The following CSMD1 variants were observed in gnomAD, a reference collection of about 807,000 sequenced individuals.
CSMD1 encodes the protein CUB and Sushi multiple domains 1, also known as CUB and sushi domain-containing protein 1.
CSMD1 carries 213 observed loss-of-function variants against 417.5 expected under a neutral mutation model. That is an observed-to-expected ratio of 0.51 (90% CI 0.46 to 0.57). CSMD1 has a LOEUF of 0.57. CSMD1 is among the 20% of genes least tolerant of loss of function. The pLI, the probability that CSMD1 is intolerant of heterozygous loss-of-function variation, is 0.00. For missense variants in CSMD1, 6,923 were observed against 4,529.7 expected (o/e 1.53, Z -15.17); for synonymous variants, 2,862 against 1,736.8 (o/e 1.65, Z -16.11).
intron 3 of CSMD1, among the ~76,000 whole-genome samples, chr8:4,056,730 C>A (rs1450484796): frequency 2.0e-5 from 3 of 151,930 alleles, no homozygotes; most frequent in African/African-American, 7.3e-5. Flanking sequence ...GTACCCCTTC[C>A]TGTGTCCATG....
intron 40 of CSMD1, among the ~76,000 whole-genome samples, chr8:3,147,536 G>C (rs889797877): frequency 2.0e-5 from 3 of 152,172 alleles, no homozygotes; most frequent in Admixed American, 1.3e-4. Context: ...GGGGCACTGA[G>C]TCAGAATTTA....
intron 37 of CSMD1, among the ~76,000 whole-genome samples, chr8:3,174,792 A>AT (rs1193823497): frequency 2.6e-5 from 4 of 152,016 alleles, no homozygotes; most frequent in African/African-American, 9.7e-5. Context: ...TGCCTTTAAA[A>AT]TTTTTTCCAT....
rs536913831 is a variant in CSMD1 at position 3,353,904 on chromosome 8, A to C, written c.3304+5248T>G. Among the ~76,000 whole-genome samples the C allele has an allele frequency of 4.7e-4, 71 of 152,266 alleles. 1 individual carries two copies. The highest frequency in any genetic ancestry group is 6.8e-3 in the Middle Eastern group (2 of 294). On this transcript the variant is annotated intron_variant, in intron 21 of 69. Transcript: ENST00000635120. ...TAACACAGAAGAAAGGAGTTAATTG[A>C]TTTTTCAGTCAATTCTTCTGTACAA...
chr8:3,843,205 T>A (rs1803246553), intron 5 of CSMD1, among the ~76,000 whole-genome samples: 2 of 152,192 alleles, frequency 1.3e-5, no homozygotes, highest in South Asian at 4.1e-4. Flanking sequence ...TTGAAAACCT[T>A]GCTTTCCCAT....
chr8:4,373,209 C>G (rs1802505776), intron 3 of CSMD1, among the ~76,000 whole-genome samples: 1 of 152,118 alleles, frequency 6.6e-6, no homozygotes, highest in Non-Finnish European at 1.5e-5. Context: ...TCATCACAAA[C>G]AAGAGGAGTC....
intron 5 of CSMD1, among the ~76,000 whole-genome samples, chr8:3,846,175 T>C (rs1450332496): frequency 6.6e-6 from 1 of 152,164 alleles, no homozygotes; most frequent in African/African-American, 2.4e-5. Flanking sequence ...GGTACATAAG[T>C]GTATGTGCTA....
chr8:3,981,370 A>G (rs1427641598), intron 5 of CSMD1, among the ~76,000 whole-genome samples: 1 of 152,104 alleles, frequency 6.6e-6, no homozygotes, highest in South Asian at 2.1e-4. Flanking sequence ...GGTGAAGGAT[A>G]AAAGACAACA....
intron 5 of CSMD1, among the ~76,000 whole-genome samples, chr8:3,919,690 A>G (rs985403666): frequency 3.3e-5 from 5 of 152,138 alleles, no homozygotes; most frequent in Non-Finnish European, 7.3e-5. Context: ...GAATTTTGAT[A>G]GAGATTGCTT....
chr8:3,336,588 C>T (rs778436869), intron 23 of CSMD1, among the ~76,000 whole-genome samples: 6 of 152,160 alleles, frequency 3.9e-5, no homozygotes, highest in Non-Finnish European at 5.9e-5. Context: ...TGCTTTACCC[C>T]GCTCTGATTT....
intron 2 of CSMD1, among the ~76,000 whole-genome samples, chr8:4,454,538 C>G (rs1042078743): frequency 2.0e-5 from 3 of 152,140 alleles, no homozygotes; most frequent in Admixed American, 1.3e-4. Context: ...TTTCTGATTT[C>G]TAATACAGAG....
chr8:3,165,589 G>A (rs1032554250), intron 37 of CSMD1, among the ~76,000 whole-genome samples: 6 of 151,814 alleles, frequency 4.0e-5, no homozygotes, highest in Non-Finnish European at 7.4e-5. Context: ...CCGCCACCAC[G>A]CCCGGCTAAT....
At chr8:3,955,409 A>G (rs1811875048) in intron 5 of CSMD1, among the ~76,000 whole-genome samples, 3 of 152,236 alleles carry the variant, frequency 2.0e-5, no homozygotes, top group Admixed American at 2.0e-4. Flanking sequence ...CTAAGCTTCC[A>G]TTTAAGACAC....
chr8:3,791,562 G>A (rs1052384809), intron 5 of CSMD1, among the ~76,000 whole-genome samples: 2 of 152,144 alleles, frequency 1.3e-5, no homozygotes, highest in Non-Finnish European at 2.9e-5. Context: ...GGTGGCTCAC[G>A]CCTATAATCC....
intron 2 of CSMD1, among the ~76,000 whole-genome samples, chr8:4,470,483 T>C (rs1800463705): frequency 1.3e-5 from 2 of 152,204 alleles, no homozygotes; most frequent in African/African-American, 4.8e-5. Context: ...AATGCTTAAC[T>C]GGAAGGATAA....
intron 2 of CSMD1, among the ~76,000 whole-genome samples, chr8:4,443,739 G>C (rs115149289): frequency 6.6e-6 from 1 of 152,110 alleles, no homozygotes; most frequent in African/African-American, 2.4e-5. Flanking sequence ...TCCAAAATAT[G>C]AACAGTTTTA....
intron 2 of CSMD1, among the ~76,000 whole-genome samples, chr8:4,543,275 G>C (rs1797481187): frequency 1.3e-5 from 2 of 152,048 alleles, no homozygotes; most frequent in Admixed American, 6.6e-5. Context: ...CTGCCCTAAA[G>C]ATCCCCAAAG....
At chr8:4,502,810 T>C (rs1802325367) in intron 2 of CSMD1, among the ~76,000 whole-genome samples, 1 of 152,058 alleles carries the variant, frequency 6.6e-6, no homozygotes, top group Non-Finnish European at 1.5e-5. Flanking sequence ...CACCAGTAAA[T>C]CCCCAGTGTG....
rs745710513 is a variant in CSMD1 at position 4,978,024 on chromosome 8, G to C, written c.85+16308C>G. Among the ~76,000 whole-genome samples, 10 of 152,176 alleles carry C rather than the reference G, an allele frequency of 6.6e-5. No individual in the cohort carries two copies. The East Asian group carries it at 1.4e-3, about 21-fold the overall frequency. ...GTGCTTGGCCACAATCGATGTGAGAGAGATACACATTCACTTTTACAGCCA... is the reference window on the plus strand; with the variant it reads ...GTGCTTGGCCACAATCGATGTGAGACAGATACACATTCACTTTTACAGCCA... On this transcript the variant is annotated intron_variant, in intron 1 of 69. Transcript: ENST00000635120.
chr8:4,764,873 A>AAAAAAACAAAAAC (rs1299120710), intron 1 of CSMD1, among the ~76,000 whole-genome samples: 6 of 16,016 alleles, frequency 3.7e-4, no homozygotes, highest in African/African-American at 1.6e-3. Context: ...ACTCCATCTC[A>AAAAAAACAAAAAC]AAAAAAAAAA....
Sources: allele counts gnomAD v4.1 joint callset (sites outside exome capture counted in the v4.1 genomes callset), GRCh38; gene constraint gnomAD v4.1.1; transcripts MANE v1.5; gene names NCBI Gene and HGNC (gene_info 2026-07-23, HGNC 2026-07-21).